Variants in PTPRD observed in about 807,000 individuals in gnomAD.
The protein encoded by PTPRD is protein tyrosine phosphatase receptor type D.
A neutral mutation model predicts 214.5 loss-of-function variants in PTPRD; 34 were observed. The ratio of observed to expected loss-of-function variants is 0.16; its 90% CI spans 0.12 to 0.21. The LOEUF (loss-of-function observed/expected upper bound fraction) is 0.21. Ranked by LOEUF, PTPRD falls within the 10% of genes least tolerant of loss-of-function variation. PTPRD has a pLI of 1.00. For missense variants in PTPRD, 2,545 were observed against 2,398.7 expected (o/e 1.06, Z -1.27); for synonymous variants, 1,128 against 845.7 (o/e 1.33, Z -5.79).
chr9:9,879,056 T>C (rs1328944846), intron 5 of PTPRD, among the ~76,000 whole-genome samples: 1 of 152,234 alleles, frequency 6.6e-6, no homozygotes, highest in Non-Finnish European at 1.5e-5. Context: ...TTCAGTATTT[T>C]CTATGGTGTT....
At chr9:9,559,840 A>T (rs1043007513) in intron 8 of PTPRD, among the ~76,000 whole-genome samples, 1 of 152,164 alleles carries the variant, frequency 6.6e-6, no homozygotes, top group Non-Finnish European at 1.5e-5. Context: ...CATGGGAGAG[A>T]CATAAGCGGT....
chr9:8,486,593 A>G, intron 27 of PTPRD: 1 of 650,334 alleles, frequency 1.5e-6, no homozygotes, highest in East Asian at 2.9e-5. Flanking sequence ...CATTGAAACA[A>G]CAGCTTAAGG....
At chr9:9,554,104 C>A (rs778291431) in intron 8 of PTPRD, among the ~76,000 whole-genome samples, 4 of 152,010 alleles carry the variant, frequency 2.6e-5, no homozygotes. Context: ...TTTCATATGA[C>A]AGTATTTCAT....
At chr9:9,322,409 C>CAG (rs919261222) in intron 9 of PTPRD, among the ~76,000 whole-genome samples, 5 of 152,098 alleles carry the variant, frequency 3.3e-5, no homozygotes, top group African/African-American at 1.2e-4. Context: ...CGCTAAAGTC[C>CAG]AGAGAGTTTA....
chr9:9,038,110 T>C (rs1387909791), intron 10 of PTPRD, among the ~76,000 whole-genome samples: 1 of 152,198 alleles, frequency 6.6e-6, no homozygotes, highest in Non-Finnish European at 1.5e-5. Flanking sequence ...CTACTCTCTC[T>C]TCCATGTCTG....
intron 12 of PTPRD, among the ~76,000 whole-genome samples, chr9:8,709,191 T>A (rs2098273563): frequency 6.6e-6 from 1 of 152,050 alleles, no homozygotes; most frequent in Non-Finnish European, 1.5e-5. Context: ...ACATGGTGAC[T>A]ACAGAAAATG....
chr9:10,062,553 C>T (rs1459911389), intron 3 of PTPRD, among the ~76,000 whole-genome samples: 1 of 151,954 alleles, frequency 6.6e-6, no homozygotes, highest in Non-Finnish European at 1.5e-5. Context: ...TTGCAGTTAG[C>T]CAAGATCACT....
At chr9:9,016,921 TG>T (rs555163669) in intron 11 of PTPRD, among the ~76,000 whole-genome samples, 68 of 152,224 alleles carry the variant, frequency 4.5e-4, no homozygotes, top group African/African-American at 1.6e-3. Flanking sequence ...CTCTTAATGG[TG>T]GTGCTGGGAT....
intron 10 of PTPRD, among the ~76,000 whole-genome samples, chr9:9,100,091 C>T (rs1489467819): frequency 1.3e-5 from 2 of 152,004 alleles, no homozygotes; most frequent in African/African-American, 4.8e-5. Context: ...TATAAAAATT[C>T]AGAAAGTAGA....
At chr9:8,572,520 A>G (rs572334445) in intron 14 of PTPRD, among the ~76,000 whole-genome samples, 2 of 152,216 alleles carry the variant, frequency 1.3e-5, no homozygotes, top group East Asian at 1.9e-4. Flanking sequence ...TTATAAAACT[A>G]TTTTTAAAAT....
intron 11 of PTPRD, among the ~76,000 whole-genome samples, chr9:8,958,503 A>T (rs2099143176): frequency 6.6e-6 from 1 of 151,892 alleles, no homozygotes; most frequent in South Asian, 2.1e-4. Context: ...CAGCAATGTG[A>T]TGGCCCAGAA....
intron 37 of PTPRD, among the ~76,000 whole-genome samples, chr9:8,380,219 AAG>A (rs1311842793): frequency 1.3e-5 from 2 of 152,176 alleles, no homozygotes; most frequent in African/African-American, 2.4e-5. Context: ...GTGGGGCATC[AAG>A]GTGACATAAG....
intron 9 of PTPRD, among the ~76,000 whole-genome samples, chr9:9,353,334 G>A (rs1157716520): frequency 6.6e-6 from 1 of 151,888 alleles, no homozygotes; most frequent in African/African-American, 2.4e-5. Flanking sequence ...TGACTTTAGA[G>A]CAACAGAACT....
At chr9:10,335,909 G>C (rs2096836184) in intron 3 of PTPRD, among the ~76,000 whole-genome samples, 1 of 151,770 alleles carries the variant, frequency 6.6e-6, no homozygotes, top group South Asian at 2.1e-4. Context: ...GTACTTATTA[G>C]AATGGCCAAA....
chr9:8,319,907 C>G lies in PTPRD; in HGVS notation c.5594G>C (p.Arg1865Thr). The G allele has an allele frequency of 1.9e-6, 3 of 1,612,900 alleles. No individual in the cohort carries two copies. The highest frequency in any genetic ancestry group is 2.5e-6 in the Non-Finnish European group (3 of 1,179,358). ...GAAGATATCTACAACTCCTTCATAT[C>G]TCATTCTTTCCAAAACAATGCTTAG... is the stretch of plus-strand genomic sequence containing the variant. ...ITLSIVLERM[R>T]YEGVVDIFQT... Residue 1865 changes from arginine to threonine, a missense_variant, in exon 45 of 46, where the codon AGA becomes ACA. Arg to Thr is a moderately conservative substitution (Grantham distance 71). Coordinates refer to ENST00000381196, the MANE Select transcript of PTPRD (RefSeq NM_002839.4).
At chr9:8,891,182 G>A (rs2098536742) in intron 11 of PTPRD, among the ~76,000 whole-genome samples, 1 of 133,514 alleles carries the variant, frequency 7.5e-6, no homozygotes, top group Non-Finnish European at 1.5e-5. Flanking sequence ...TACCCAGGCT[G>A]GAGTGCAGTG....
chr9:9,220,605 G>A (rs919811652), intron 9 of PTPRD, among the ~76,000 whole-genome samples: 1 of 152,000 alleles, frequency 6.6e-6, no homozygotes, highest in African/African-American at 2.4e-5. Flanking sequence ...CAAATGAAGT[G>A]CTTTGAATAG....
At chr9:9,319,884 C>A (rs1487996010) in intron 9 of PTPRD, among the ~76,000 whole-genome samples, 1 of 152,052 alleles carries the variant, frequency 6.6e-6, no homozygotes. Flanking sequence ...TATTCCCATA[C>A]AATTTGAATT....
chr9:8,760,604 G>GTGTC, intron 11 of PTPRD, among the ~76,000 whole-genome samples: 1 of 151,440 alleles, frequency 6.6e-6, no homozygotes, highest in Middle Eastern at 3.4e-3. Context: ...CTGTCTGTGT[G>GTGTC]TGTGTGTGTG....
Sources: gnomAD v4.1 joint callset for allele counts (sites outside exome capture counted in the v4.1 genomes callset) on GRCh38, gnomAD v4.1.1 for gene constraint, MANE v1.5 for transcripts, NCBI Gene and HGNC (gene_info 2026-07-23, HGNC 2026-07-21) for gene names.